The following SGCZ variants were observed in gnomAD, a reference collection of about 807,000 sequenced individuals.
SGCZ encodes sarcoglycan zeta, also known as zeta-sarcoglycan.
A neutral mutation model predicts 41.3 loss-of-function variants in SGCZ; 40 were observed. The observed-to-expected ratio is 0.97, with a 90% CI of 0.75 to 1.26. The LOEUF (loss-of-function observed/expected upper bound fraction) is 1.26. Among genes scored for constraint, SGCZ ranks in the 50% most tolerant of loss-of-function variants. SGCZ has a pLI of 0.00. For missense variants in SGCZ, 552 were observed against 369.8 expected (o/e 1.49, Z -4.04); for synonymous variants, 206 against 137.5 (o/e 1.50, Z -3.49).
rs568892194 is a variant in SGCZ at position 15,082,963 on chromosome 8, TCA to T, written c.39+154620_39+154621del. ...AAACTGCAGATCAAAGCACTAGATT[TCA>T]CAGTCTGATTTTACCTTCTTTATTC... On this transcript the variant is annotated intron_variant, in intron 1 of 7. Transcript: ENST00000382080. Among the ~76,000 whole-genome samples the T allele has an allele frequency of 8.9e-4, 134 of 150,776 alleles. No individual in the cohort carries two copies. In the South Asian group the frequency reaches 0.027, roughly 30 times the overall value.
intron 1 of SGCZ, among the ~76,000 whole-genome samples, chr8:14,868,349 ATCTT>A (rs1804009158): frequency 6.6e-6 from 1 of 152,200 alleles, no homozygotes; most frequent in African/African-American, 2.4e-5. Flanking sequence ...CACTTTGCAA[ATCTT>A]TCTTTAAGCC....
chr8:15,194,953 C>G (rs753546579), intron 1 of SGCZ, among the ~76,000 whole-genome samples: 3 of 152,092 alleles, frequency 2.0e-5, no homozygotes, highest in Non-Finnish European at 2.9e-5. Flanking sequence ...CAACTTGCGA[C>G]GTCGTTTTTA....
At chr8:15,212,402 C>T (rs533103321) in intron 1 of SGCZ, among the ~76,000 whole-genome samples, 89 of 152,034 alleles carry the variant, frequency 5.9e-4, no homozygotes, top group Non-Finnish European at 1.0e-3. Context: ...TTTAAAAAAT[C>T]CTAGGAGTTT....
intron 1 of SGCZ, among the ~76,000 whole-genome samples, chr8:14,613,768 A>C (rs781459073): frequency 2.2e-4 from 34 of 152,178 alleles, no homozygotes; most frequent in Non-Finnish European, 4.3e-4. Flanking sequence ...GAAAGATGTG[A>C]GGATTAAACA....
At chr8:14,393,494 C>A (rs944512736) in intron 2 of SGCZ, among the ~76,000 whole-genome samples, 3 of 152,118 alleles carry the variant, frequency 2.0e-5, no homozygotes, top group Admixed American at 6.6e-5. Flanking sequence ...CAACCTTCCC[C>A]ACTCACTATG....
chr8:14,484,291 A>C (rs1289189625), intron 2 of SGCZ, among the ~76,000 whole-genome samples: 1 of 152,154 alleles, frequency 6.6e-6, no homozygotes. Context: ...ACTTTCATGA[A>C]TATATCAGAG....
At chr8:14,331,037 G>C (rs1802301248) in intron 2 of SGCZ, among the ~76,000 whole-genome samples, 1 of 151,662 alleles carries the variant, frequency 6.6e-6, no homozygotes, top group African/African-American at 2.4e-5. Context: ...GTAGATACAT[G>C]TGTTTTTATT....
intron 1 of SGCZ, among the ~76,000 whole-genome samples, chr8:14,727,887 T>C (rs1810110175): frequency 1.3e-5 from 2 of 152,168 alleles, no homozygotes; most frequent in Admixed American, 1.3e-4. Flanking sequence ...TTATTTGTGT[T>C]ATACACATAA....
At chr8:14,172,495 T>A (rs1242905483) in intron 4 of SGCZ, among the ~76,000 whole-genome samples, 1 of 152,208 alleles carries the variant, frequency 6.6e-6, no homozygotes, top group African/African-American at 2.4e-5. Context: ...AACGGCGCCA[T>A]GCCTCTCAAA....
intron 1 of SGCZ, among the ~76,000 whole-genome samples, chr8:14,797,753 G>C (rs1415922017): frequency 6.6e-6 from 1 of 152,134 alleles, no homozygotes; most frequent in East Asian, 1.9e-4. Context: ...ATGGTTTCCT[G>C]GGGTGGGTCC....
At chr8:14,189,282 A>G (rs912413182) in intron 4 of SGCZ, among the ~76,000 whole-genome samples, 3 of 152,152 alleles carry the variant, frequency 2.0e-5, no homozygotes, top group South Asian at 4.1e-4. Flanking sequence ...TTCTTCACAC[A>G]GAAGCCAGAG....
chr8:14,848,752 T>C (rs946132057), intron 1 of SGCZ, among the ~76,000 whole-genome samples: 2 of 152,162 alleles, frequency 1.3e-5, no homozygotes, highest in African/African-American at 2.4e-5. Flanking sequence ...TTAAAAATCA[T>C]AGAATAAAAC....
chr8:14,154,520 G>A (rs1175732545), intron 5 of SGCZ, among the ~76,000 whole-genome samples: 1 of 152,002 alleles, frequency 6.6e-6, no homozygotes, highest in Non-Finnish European at 1.5e-5. Context: ...TGTTACCCGT[G>A]GTTTATTAAT....
intron 3 of SGCZ, among the ~76,000 whole-genome samples, chr8:14,279,746 C>T (rs898160018): frequency 1.3e-5 from 2 of 151,956 alleles, no homozygotes; most frequent in Non-Finnish European, 2.9e-5. Flanking sequence ...AAAGTAGATT[C>T]ACAGCCTCAT....
At chr8:14,962,386 G>GTATA (rs35553186) in intron 1 of SGCZ, among the ~76,000 whole-genome samples, 4 of 148,620 alleles carry the variant, frequency 2.7e-5, no homozygotes, top group African/African-American at 4.9e-5. Flanking sequence ...CAAGGTAATT[G>GTATA]TATATATATA....
At chr8:14,713,128 T>G (rs1038176704) in intron 1 of SGCZ, among the ~76,000 whole-genome samples, 36 of 152,310 alleles carry the variant, frequency 2.4e-4, no homozygotes, top group African/African-American at 7.5e-4. Context: ...TAGCTATGAT[T>G]AGAACTAATG....
Position 14,088,251 on chromosome 8 carries a change from C to T in SGCZ, c.*2192G>A, listed in dbSNP as rs1029520987. 2.0e-5 allele frequency among the ~76,000 whole-genome samples: 3 copies of T among 151,754 alleles called. No homozygotes were observed. Among genetic ancestry groups the T allele is most frequent in the African/African-American group, 7.2e-5 (3 of 41,400 alleles). On this transcript the variant is annotated 3_prime_UTR_variant, in exon 8 of 8. Coordinates refer to ENST00000382080, the MANE Select transcript of SGCZ (RefSeq NM_139167.4). ...TACTTTTGCTGTGAAGTTGAGTAAA[C>T]TGAAGCCTGGAGAGATTCTCGAACT...
intron 1 of SGCZ, among the ~76,000 whole-genome samples, chr8:15,078,272 G>C (rs563116952): frequency 4.6e-4 from 65 of 142,744 alleles, no homozygotes; most frequent in African/African-American, 1.7e-3. Flanking sequence ...GAACTAAGCA[G>C]CAAAAAATCC....
chr8:14,928,284 A>G (rs906501996), intron 1 of SGCZ, among the ~76,000 whole-genome samples: 4 of 152,196 alleles, frequency 2.6e-5, no homozygotes, highest in African/African-American at 9.6e-5. Flanking sequence ...ATCATACGCC[A>G]TGGAATTTCT....
Sources: gnomAD v4.1 joint callset for allele counts (sites outside exome capture counted in the v4.1 genomes callset) on GRCh38, gnomAD v4.1.1 for gene constraint, MANE v1.5 for transcripts, NCBI Gene and HGNC (gene_info 2026-07-23, HGNC 2026-07-21) for gene names.